The following WDFY1 variants were observed in gnomAD, a reference collection of about 807,000 sequenced individuals.
WDFY1 encodes the protein WD repeat and FYVE domain-containing protein 1.
Under a neutral mutation model 56.4 loss-of-function variants are expected in WDFY1, and 32 were observed. The observed-to-expected ratio is 0.57, with a 90% CI of 0.43 to 0.76. The LOEUF is 0.76. Among genes scored for constraint, WDFY1 ranks in the 30% least tolerant of loss-of-function variants. The pLI, the probability that WDFY1 is intolerant of heterozygous loss-of-function variation, is 0.00. For synonymous variants in WDFY1, 192 were observed against 197.3 expected, an observed-to-expected ratio of 0.97 and a Z score of 0.23; for missense variants, 480 against 545.7, an observed-to-expected ratio of 0.88 and a Z score of 1.20.
At chr2:223,923,197 A>C (rs984789168) in intron 1 of WDFY1, among the ~76,000 whole-genome samples, 1 of 152,222 alleles carries the variant, frequency 6.6e-6, no homozygotes, top group African/African-American at 2.4e-5. Context: ...TTCCAAGACT[A>C]AATCAAACCA....
chr2:223,923,718 G>A (rs1407881215), intron 1 of WDFY1, among the ~76,000 whole-genome samples: 4 of 152,020 alleles, frequency 2.6e-5, no homozygotes, highest in South Asian at 2.1e-4. Flanking sequence ...CCGAGATCGC[G>A]CCACTGCACT....
intron 6 of WDFY1, among the ~76,000 whole-genome samples, chr2:223,897,640 A>T (rs1693420061): frequency 1.3e-5 from 2 of 151,992 alleles, no homozygotes; most frequent in Non-Finnish European, 2.9e-5. Context: ...TCAGCCTCCC[A>T]AAGTGCTGGG....
intron 8 of WDFY1, among the ~76,000 whole-genome samples, chr2:223,891,948 A>G (rs1693285517): frequency 6.6e-6 from 1 of 152,188 alleles, no homozygotes; most frequent in African/African-American, 2.4e-5. Context: ...CTTTGCAAAT[A>G]TAGTATTATG....
chr2:223,935,474 G>T (rs1397528740), intron 1 of WDFY1, among the ~76,000 whole-genome samples: 1 of 152,206 alleles, frequency 6.6e-6, no homozygotes, highest in Non-Finnish European at 1.5e-5. Flanking sequence ...AGAAAGATTT[G>T]CTGAGCATAC....
intron 8 of WDFY1, among the ~76,000 whole-genome samples, chr2:223,890,605 CG>C (rs1338630393): frequency 6.6e-6 from 1 of 152,102 alleles, no homozygotes; most frequent in Non-Finnish European, 1.5e-5. Context: ...AAGAAGCTTT[CG>C]TTTTGTGCTG....
At chr2:223,914,290 C>T (rs1200675866) in intron 2 of WDFY1, among the ~76,000 whole-genome samples, 2 of 152,172 alleles carry the variant, frequency 1.3e-5, no homozygotes, top group Admixed American at 6.5e-5. Context: ...AGCCACCATG[C>T]CCAGCCAAGT....
intron 6 of WDFY1, among the ~76,000 whole-genome samples, chr2:223,895,953 T>A (rs536481832): frequency 6.6e-6 from 1 of 150,648 alleles, no homozygotes; most frequent in East Asian, 1.9e-4. Context: ...AAGCCAGGAG[T>A]TCAAGACTAG....
In WDFY1 at chr2:223,907,736, T is replaced by C. The variant is rs186467870; in HGVS notation, c.280-1735A>G. ...GAGAGCTTCAGCATTCACTACTGTG[T>C]CATGCATTTCCAGCACCCTCACCTG... On this transcript the variant is annotated intron_variant, in intron 3 of 11. Transcript: ENST00000233055. Among the ~76,000 whole-genome samples, 221 of 152,352 alleles carry C rather than the reference T, an allele frequency of 1.5e-3. 1 individual carries two copies. The highest frequency in any genetic ancestry group is 1.4e-3 in the Non-Finnish European group (93 of 68,032).
intron 7 of WDFY1, 105 bp from the exon 8 acceptor site, chr2:223,894,444 AT>A: frequency 5.6e-6 from 6 of 1,072,926 alleles, no homozygotes; most frequent in Non-Finnish European, 8.4e-6. Context: ...AGCAAGTGGT[AT>A]TTTACCACTG....
At chr2:223,879,766 A>T (rs1006417345) in intron 11 of WDFY1, among the ~76,000 whole-genome samples, 1 of 152,144 alleles carries the variant, frequency 6.6e-6, no homozygotes, top group African/African-American at 2.4e-5. Flanking sequence ...TATACTGAGG[A>T]CGCATTCTGC....
Position 223,917,397 on chromosome 2 carries a change from A to G in WDFY1, c.205+546T>C, listed in dbSNP as rs569750553. ...AAGAAAAACTGAGGAGAACATGTTC[A>G]TTTTCCTATTTTTTTTTCAGTTTTG... On this transcript the variant is annotated intron_variant, in intron 2 of 11. Transcript: ENST00000233055. 4.5e-5 allele frequency among the ~76,000 whole-genome samples: 6 copies of G among 134,700 alleles called. No homozygotes were observed. The East Asian group carries it at 1.3e-3, about 29-fold the overall frequency. The allele number at this position is 134,700 out of a possible 152,430, so 88.4% of individuals were successfully genotyped here. A position where few individuals can be genotyped will look rare whatever the true frequency, so the allele number is the denominator to read the frequency against.
At position 223,876,558 on chromosome 2, in the gene WDFY1, C is replaced by T. The variant is rs1692976645; in HGVS notation, c.*2113G>A. The T allele has an allele frequency of 6.6e-6, 1 of 152,152 alleles. No individual in the cohort carries two copies. The highest frequency in any genetic ancestry group is 2.1e-4 in the South Asian group (1 of 4,824). The allele number at this position is 152,152 out of a possible 1,614,324, so 9.4% of individuals were successfully genotyped here. ...TCTAAGATACGTCACTCCAATTCTT[C>T]CTTAAATATAAACTTCCTCCTTGAT... On this transcript the variant is annotated 3_prime_UTR_variant, in exon 12 of 12. Coordinates refer to ENST00000233055, the MANE Select transcript of WDFY1 (RefSeq NM_020830.5).
intron 6 of WDFY1, among the ~76,000 whole-genome samples, chr2:223,897,390 A>ATATT (rs1461451983): frequency 1.0e-4 from 13 of 125,988 alleles, no homozygotes; most frequent in East Asian, 9.2e-4. Context: ...ATATATATAT[A>ATATT]TTTTTTAAGA....
In WDFY1 at chr2:223,875,453, A is replaced by T. The variant is rs1692951630; in HGVS notation, c.*3218T>A. ...AGAACAGTTTTCTAGCATCTCTGGGATACACAGGGCACCATATCTTATAGA... is the reference window on the plus strand; with the variant it reads ...AGAACAGTTTTCTAGCATCTCTGGGTTACACAGGGCACCATATCTTATAGA... On this transcript the variant is annotated 3_prime_UTR_variant, in exon 12 of 12. Coordinates refer to ENST00000233055, the MANE Select transcript of WDFY1 (RefSeq NM_020830.5). 6.6e-6 allele frequency: 1 copy of T among 152,180 alleles called. No homozygotes were observed. Among genetic ancestry groups the T allele is most frequent in the Non-Finnish European group, 1.5e-5 (1 of 67,996 alleles). 9.4% of individuals were successfully genotyped at this position (152,180 alleles called of 1,614,324 possible).
intron 8 of WDFY1, among the ~76,000 whole-genome samples, chr2:223,891,495 A>C (rs1693277206): frequency 6.6e-6 from 1 of 151,912 alleles, no homozygotes; most frequent in Admixed American, 6.6e-5. Flanking sequence ...AAACAAAAAA[A>C]CCCACTAAAA....
chr2:223,937,236 A>T (rs1689196068), intron 1 of WDFY1, among the ~76,000 whole-genome samples: 1 of 152,256 alleles, frequency 6.6e-6, no homozygotes, highest in Non-Finnish European at 1.5e-5. Flanking sequence ...CTATTCAAAC[A>T]GGAAAAATTT....
At position 223,881,993 on chromosome 2, in the gene WDFY1, T is replaced by C; in HGVS notation, c.1013A>G (p.Glu338Gly). 1 of 1,614,110 alleles carries C rather than the reference T, an allele frequency of 6.2e-7. No homozygotes were observed. Among genetic ancestry groups the C allele is most frequent in the Non-Finnish European group, 8.5e-7 (1 of 1,179,958 alleles). Residue 338 changes from glutamate to glycine, a missense_variant, in exon 10 of 12, where the codon GAG (glutamate) becomes GGG (glycine). By Grantham distance (98) the Glu-to-Gly change is moderately conservative. Coordinates refer to ENST00000233055, the MANE Select transcript of WDFY1 (RefSeq NM_020830.5). ...AGAATCACAAACCCGGACTTGGAAC[T>C]CGAAGCCCATGACTGGGTAACTTGA... ...KRSSYPVMGF[E>G]FQVRVCDSCY...
chr2:223,942,551 C>G (rs1285831304), intron 1 of WDFY1, among the ~76,000 whole-genome samples: 264 of 21,284 alleles, frequency 0.012, 2 homozygotes, highest in African/African-American at 0.04. Context: ...TTTTTTGAGA[C>G]GGAGTCTCGC....
intron 1 of WDFY1, among the ~76,000 whole-genome samples, chr2:223,941,954 T>C (rs1368065790): frequency 1.3e-5 from 2 of 152,018 alleles, no homozygotes; most frequent in African/African-American, 4.8e-5. Flanking sequence ...TTCAAGGAAG[T>C]TGCAAGAGCC....
Sources: allele counts gnomAD v4.1 joint callset (sites outside exome capture counted in the v4.1 genomes callset), GRCh38; gene constraint gnomAD v4.1.1; transcripts MANE v1.5; gene names NCBI Gene and HGNC (gene_info 2026-07-23, HGNC 2026-07-21).